Variants in SEMA6D observed in about 807,000 individuals in gnomAD.
SEMA6D encodes the protein semaphorin-6D.
In SEMA6D, 35 loss-of-function variants were observed where a neutral mutation model predicts 106.6. The observed-to-expected ratio is 0.33, with a 90% CI of 0.25 to 0.44. SEMA6D has a LOEUF of 0.44. Among genes scored for constraint, SEMA6D ranks in the 20% least tolerant of loss-of-function variants. The pLI, the probability that SEMA6D is intolerant of heterozygous loss-of-function variation, is 1.00. For missense variants in SEMA6D, 1,185 were observed against 1,345.9 expected (o/e 0.88, Z 1.87); for synonymous variants, 499 against 487.7 (o/e 1.02, Z -0.31).
chr15:47,600,223 A>G (rs1343876121), intron 3 of SEMA6D, among the ~76,000 whole-genome samples: 1 of 152,158 alleles, frequency 6.6e-6, no homozygotes, highest in African/African-American at 2.4e-5. Flanking sequence ...TGTTGTTCAA[A>G]ATATCTTCCT....
chr15:47,589,541 A>G, intron 3 of SEMA6D, among the ~76,000 whole-genome samples: 1 of 152,174 alleles, frequency 6.6e-6, no homozygotes, highest in East Asian at 1.9e-4. Context: ...TCCTCTTTCA[A>G]TCCAATCCTA....
chr15:47,574,707 T>C (rs1489848056), intron 3 of SEMA6D, among the ~76,000 whole-genome samples: 1 of 152,222 alleles, frequency 6.6e-6, no homozygotes, highest in African/African-American at 2.4e-5. Flanking sequence ...TAATATATAA[T>C]ACTTTCCAGT....
chr15:47,762,782 T>A (rs1192681596), intron 8 of SEMA6D, among the ~76,000 whole-genome samples: 1 of 152,196 alleles, frequency 6.6e-6, no homozygotes, highest in Non-Finnish European at 1.5e-5. Flanking sequence ...AGACCTTTGC[T>A]GTAGTTCAGT....
At chr15:47,586,888 G>GTTTT (rs35584206) in intron 3 of SEMA6D, among the ~76,000 whole-genome samples, 1,721 of 122,766 alleles carry the variant, frequency 0.014, 49 homozygotes, top group African/African-American at 0.037. Flanking sequence ...AATTTGACAG[G>GTTTT]TTTTTTTTTT....
chr15:47,740,581 C>A (rs1243906551), intron 1 of SEMA6D, among the ~76,000 whole-genome samples: 1 of 152,092 alleles, frequency 6.6e-6, no homozygotes, highest in African/African-American at 2.4e-5. Context: ...GACTTGCCCT[C>A]TGATATAGTT....
chr15:47,731,506 G>T (rs1005206510), intron 1 of SEMA6D, among the ~76,000 whole-genome samples: 1 of 152,170 alleles, frequency 6.6e-6, no homozygotes, highest in African/African-American at 2.4e-5. Context: ...GAGAGTGTAT[G>T]GTAGCCCTCA....
intron 4 of SEMA6D, among the ~76,000 whole-genome samples, chr15:47,671,537 C>T (rs1479656123): frequency 6.6e-6 from 1 of 152,016 alleles, no homozygotes; most frequent in Non-Finnish European, 1.5e-5. Context: ...GGCTGGAGCA[C>T]TGGATAATGG....
chr15:47,730,014 C>G (rs552127363), intron 1 of SEMA6D: 17 of 542,010 alleles, frequency 3.1e-5, no homozygotes, highest in Non-Finnish European at 5.5e-5. Context: ...AGAGTTCTTT[C>G]TAGTAGTGAG....
intron 4 of SEMA6D, among the ~76,000 whole-genome samples, chr15:47,616,187 G>A (rs1192240105): frequency 1.3e-5 from 2 of 149,002 alleles, no homozygotes; most frequent in African/African-American, 5.0e-5. Context: ...CTTTTTTTGA[G>A]ATAGAGTCTC....
intron 2 of SEMA6D, among the ~76,000 whole-genome samples, chr15:47,457,648 A>G (rs1174564623): frequency 1.3e-5 from 2 of 151,996 alleles, no homozygotes; most frequent in African/African-American, 2.4e-5. Flanking sequence ...AAACTAACCA[A>G]ATTTCTCACA....
chr15:47,192,934 A>G (rs572792450), intron 1 of SEMA6D, among the ~76,000 whole-genome samples: 15 of 152,338 alleles, frequency 9.8e-5, no homozygotes, highest in African/African-American at 3.6e-4. Flanking sequence ...ACCAAATTTC[A>G]TAGAATTAAC....
At chr15:47,505,602 A>G (rs552336442) in intron 3 of SEMA6D, among the ~76,000 whole-genome samples, 6 of 152,336 alleles carry the variant, frequency 3.9e-5, no homozygotes, top group East Asian at 1.9e-4. Context: ...TAGGACATGC[A>G]TGCAAAGATA....
rs545809210 is a variant in SEMA6D at position 47,334,018 on chromosome 15, C to A, written c.-238-78375C>A. Among the ~76,000 whole-genome samples, 15 of 152,296 alleles carry A rather than the reference C, an allele frequency of 9.8e-5. No individual in the cohort carries two copies. The South Asian group carries it at 3.1e-3, about 32-fold the overall frequency. On this transcript the variant is annotated intron_variant, in intron 1 of 19. Coordinates refer to the SEMA6D transcript ENST00000558014. Reference sequence around the variant, plus strand: ...GCTAACCAGAGAGGCCAAGAAAGATCTGAACAGTTAGGTCTTGTTGGGTTA... The same window carrying A: ...GCTAACCAGAGAGGCCAAGAAAGATATGAACAGTTAGGTCTTGTTGGGTTA...
chr15:47,348,727 C>CACCACACACAGAG (rs1450109233), intron 1 of SEMA6D, among the ~76,000 whole-genome samples: 3 of 57,052 alleles, frequency 5.3e-5, no homozygotes, highest in African/African-American at 1.5e-4. Flanking sequence ...ACCACACACA[C>CACCACACACAGAG]AGAGAGAGAG....
intron 1 of SEMA6D, among the ~76,000 whole-genome samples, chr15:47,189,731 G>A (rs1318098377): frequency 1.3e-5 from 2 of 152,296 alleles, no homozygotes; most frequent in East Asian, 3.9e-4. Flanking sequence ...AAATGCAGAT[G>A]TGTTGTCTTG....
chr15:47,712,687 A>G (rs1287693140), upstream of SEMA6D, among the ~76,000 whole-genome samples: 2 of 152,324 alleles, frequency 1.3e-5, no homozygotes, highest in Non-Finnish European at 2.9e-5. Context: ...ACCACTTTTA[A>G]TTAGTTTCAT....
chr15:47,397,315 T>G (rs941390065), intron 1 of SEMA6D, among the ~76,000 whole-genome samples: 3 of 152,190 alleles, frequency 2.0e-5, no homozygotes, highest in African/African-American at 7.2e-5. Context: ...TTATTTAAAG[T>G]CATAAACCAA....
At chr15:47,629,480 C>T (rs975472903) in intron 4 of SEMA6D, among the ~76,000 whole-genome samples, 3 of 151,908 alleles carry the variant, frequency 2.0e-5, no homozygotes, top group Non-Finnish European at 4.4e-5. Context: ...TTTATCAGTA[C>T]ATGTGAGTGT....
intron 1 of SEMA6D, among the ~76,000 whole-genome samples, chr15:47,187,814 G>T (rs1020787374): frequency 2.0e-5 from 3 of 152,026 alleles, no homozygotes; most frequent in Non-Finnish European, 1.5e-5. Flanking sequence ...GGGAATTAGT[G>T]GGGGGAGGGG....
Sources: allele counts gnomAD v4.1 joint callset (sites outside exome capture counted in the v4.1 genomes callset), GRCh38; gene constraint gnomAD v4.1.1; transcripts MANE v1.5; gene names NCBI Gene and HGNC (gene_info 2026-07-23, HGNC 2026-07-21).